The following ALKAL1 variants were observed in gnomAD, a reference collection of about 807,000 sequenced individuals.
ALKAL1 encodes AUG-beta.
In ALKAL1, 23 loss-of-function variants were observed where a neutral mutation model predicts 13.5. The observed-to-expected ratio is 1.70, with a 90% CI of 1.23 to 2.41. ALKAL1 has a LOEUF of 2.41. Among genes scored for constraint, ALKAL1 ranks in the 30% most tolerant of loss-of-function variants. The pLI, the probability that ALKAL1 is intolerant of heterozygous loss-of-function variation, is 0.00. For synonymous variants in ALKAL1, 85 were observed against 77.7 expected, an observed-to-expected ratio of 1.09 and a Z score of -0.49; for missense variants, 181 against 178.4, an observed-to-expected ratio of 1.01 and a Z score of -0.08.
intron 1 of ALKAL1, among the ~76,000 whole-genome samples, chr8:52,543,392 G>A (rs1468050106): frequency 2.0e-5 from 3 of 152,214 alleles, no homozygotes; most frequent in African/African-American, 7.2e-5. Flanking sequence ...CTTGGTAAAT[G>A]CAGATGCAGG....
At chr8:52,535,695 A>G (rs1590863710) in intron 4 of ALKAL1, among the ~76,000 whole-genome samples, 2 of 152,284 alleles carry the variant, frequency 1.3e-5, no homozygotes, top group East Asian at 3.9e-4. Flanking sequence ...ATTGTTTTCA[A>G]TTTAGCAACT....
intron 2 of ALKAL1, among the ~76,000 whole-genome samples, chr8:52,540,751 TACA>T (rs767719801): frequency 1.1e-3 from 171 of 151,794 alleles, no homozygotes; most frequent in Non-Finnish European, 1.9e-3. Context: ...AAAATACACA[TACA>T]ACAACAACAA....
intron 1 of ALKAL1, among the ~76,000 whole-genome samples, chr8:52,546,172 G>T (rs1470083734): frequency 6.6e-6 from 1 of 152,230 alleles, no homozygotes; most frequent in Non-Finnish European, 1.5e-5. Context: ...GACTGTAACT[G>T]TATTGACTAG....
intron 1 of ALKAL1, among the ~76,000 whole-genome samples, chr8:52,564,206 T>G (rs1847578617): frequency 6.6e-6 from 1 of 152,092 alleles, no homozygotes; most frequent in South Asian, 2.1e-4. Flanking sequence ...GGCCCTTCTG[T>G]CCCAGCCTCG....
chr8:52,544,725 G>A (rs145464181), intron 1 of ALKAL1, among the ~76,000 whole-genome samples: 13 of 152,072 alleles, frequency 8.5e-5, no homozygotes, highest in African/African-American at 3.1e-4. Context: ...ATGGGATAAT[G>A]ACTAAGAGAG....
intron 2 of ALKAL1, among the ~76,000 whole-genome samples, chr8:52,542,174 C>T (rs1590865711): frequency 6.6e-6 from 1 of 152,200 alleles, no homozygotes; most frequent in Non-Finnish European, 1.5e-5. Flanking sequence ...ACTTTATTCA[C>T]TTCCTGTGTA....
At chr8:52,558,060 G>A (rs1476818575) in intron 1 of ALKAL1, among the ~76,000 whole-genome samples, 1 of 150,738 alleles carries the variant, frequency 6.6e-6, no homozygotes, top group Non-Finnish European at 1.5e-5. Context: ...TTGGGAGGCT[G>A]AGGCAGGTGG....
Position 52,538,421 on chromosome 8 carries a change from A to G in ALKAL1, c.*12+10T>C. On this transcript the variant is annotated intron_variant, in intron 4 of 4. Coordinates refer to ENST00000358543, the MANE Select transcript of ALKAL1 (RefSeq NM_207413.4). ...ATTAAACAGGATAAGAAAAATAAAT[A>G]TATACTCACAGGGTAGTTTTGCTAG... The G allele has an allele frequency of 6.7e-7, 1 of 1,497,536 alleles. No individual in the cohort carries two copies. Among genetic ancestry groups the G allele is most frequent in the Admixed American group, 1.8e-5 (1 of 56,182 alleles). 92.8% of individuals were successfully genotyped at this position (1,497,536 alleles called of 1,614,324 possible).
intron 1 of ALKAL1, among the ~76,000 whole-genome samples, chr8:52,546,850 G>C (rs1847374401): frequency 6.6e-6 from 1 of 152,190 alleles, no homozygotes. Context: ...AGATTGCCTT[G>C]CTGAGAGATC....
At chr8:52,538,591 A>G (rs1030651386) in intron 3 of ALKAL1, 84 bp from the exon 4 acceptor site, 4 of 835,752 alleles carry the variant, frequency 4.8e-6, no homozygotes, top group Non-Finnish European at 2.0e-6. Context: ...ACTAATTCAT[A>G]TAACAATAAC....
chr8:52,562,570 G>C (rs1395695569), intron 1 of ALKAL1, among the ~76,000 whole-genome samples: 1 of 152,104 alleles, frequency 6.6e-6, no homozygotes, highest in African/African-American at 2.4e-5. Context: ...TCCTGCCTCA[G>C]GGTTTCCTGG....
intron 1 of ALKAL1, among the ~76,000 whole-genome samples, chr8:52,552,270 G>A (rs758916414): frequency 6.6e-6 from 1 of 152,130 alleles, no homozygotes; most frequent in Non-Finnish European, 1.5e-5. Context: ...AGACCACCGA[G>A]GCAAATGCCA....
intron 4 of ALKAL1, among the ~76,000 whole-genome samples, chr8:52,537,472 G>A (rs990808975): frequency 2.6e-5 from 4 of 151,982 alleles, no homozygotes; most frequent in African/African-American, 9.7e-5. Context: ...CCCACTACTG[G>A]GTATTTATCC....
chr8:52,540,822 G>C (rs969465353), intron 2 of ALKAL1, among the ~76,000 whole-genome samples: 5 of 152,152 alleles, frequency 3.3e-5, no homozygotes, highest in African/African-American at 1.2e-4. Context: ...CTACGGTCAT[G>C]TCGCTCACAA....
intron 1 of ALKAL1, among the ~76,000 whole-genome samples, chr8:52,542,696 G>A (rs573562769): frequency 5.5e-4 from 83 of 152,292 alleles, no homozygotes; most frequent in African/African-American, 2.0e-3. Context: ...CGCAATGGAA[G>A]GTCTCCTTTT....
chr8:52,542,713 C>G (rs1440715434), intron 1 of ALKAL1, among the ~76,000 whole-genome samples: 1 of 152,204 alleles, frequency 6.6e-6, no homozygotes, highest in Non-Finnish European at 1.5e-5. Flanking sequence ...TTTTCCTCTG[C>G]CCAGACCTGT....
In ALKAL1 at chr8:52,550,396, C is replaced by T. The variant is rs190957756; in HGVS notation, c.191-7951G>A. ...GGAACACAGTATGTTGGATAGACTC[C>T]CATTGGTATAATTTTGTGTGGCGCT... On this transcript the variant is annotated intron_variant, in intron 1 of 4. Coordinates refer to ENST00000358543, the MANE Select transcript of ALKAL1 (RefSeq NM_207413.4). Among the ~76,000 whole-genome samples, 9 of 151,898 alleles carry T rather than the reference C, an allele frequency of 5.9e-5. No homozygotes were observed. In the East Asian group the frequency reaches 1.5e-3, roughly 26 times the overall value.
Position 52,552,957 on chromosome 8 carries a change from C to T in ALKAL1, c.191-10512G>A, listed in dbSNP as rs374342638. ...TACGGTGTGGCTGCTTCTAGCCCCT[C>T]GAAGCTGACAGAGCAAGGAAAAATG... is the stretch of plus-strand genomic sequence containing the variant. On this transcript the variant is annotated intron_variant, in intron 1 of 4. Coordinates refer to ENST00000358543, the MANE Select transcript of ALKAL1 (RefSeq NM_207413.4). Among the ~76,000 whole-genome samples the T allele has an allele frequency of 1.1e-4, 16 of 152,182 alleles. No individual in the cohort carries two copies. The South Asian group carries it at 2.3e-3, about 22-fold the overall frequency.
intron 4 of ALKAL1, among the ~76,000 whole-genome samples, chr8:52,537,825 G>T: frequency 6.6e-6 from 1 of 152,088 alleles, no homozygotes; most frequent in Middle Eastern, 3.4e-3. Flanking sequence ...GGCCAGGCAC[G>T]GTGGCTCACG....
Sources: allele counts gnomAD v4.1 joint callset (sites outside exome capture counted in the v4.1 genomes callset), GRCh38; gene constraint gnomAD v4.1.1; transcripts MANE v1.5; gene names NCBI Gene and HGNC (gene_info 2026-07-23, HGNC 2026-07-21).